The following BTNL8 variants were observed in gnomAD, a reference collection of about 807,000 sequenced individuals.
BTNL8 encodes the protein butyrophilin like 8, also known as butyrophilin-like protein 8.
In BTNL8, 22 loss-of-function variants were observed where a neutral mutation model predicts 36.1. The ratio of observed to expected loss-of-function variants is 0.61; its 90% CI spans 0.44 to 0.87. The LOEUF is 0.87. BTNL8 is among the 40% of genes least tolerant of loss of function. BTNL8 has a pLI of 0.00. For synonymous variants in BTNL8, 203 were observed against 235.6 expected, an observed-to-expected ratio of 0.86 and a Z score of 1.27; for missense variants, 526 against 616.9, an observed-to-expected ratio of 0.85 and a Z score of 1.56.
rs1185288368 is a variant in BTNL8 at position 180,935,679 on chromosome 5, A to G, written c.674-11833A>G. 6.6e-6 allele frequency among the ~76,000 whole-genome samples: 1 copy of G among 152,148 alleles called. No individual in the cohort carries two copies. Among genetic ancestry groups the G allele is most frequent in the Non-Finnish European group, 1.5e-5 (1 of 68,006 alleles). ...TGACTGCAGTTGTGCCCCAGAGCAC[A>G]GGACTCCTGCCCCGTGGACTTGGTA... On this transcript the variant is annotated intron_variant, in intron 3 of 7. Transcript: ENST00000340184. This position sits in a 1 kb window ranked among gnomAD's most constrained non-coding sequence, Gnocchi z 4.8.
intron 3 of BTNL8, among the ~76,000 whole-genome samples, chr5:180,922,832 T>C (rs140105106): frequency 0.014 from 2,100 of 152,186 alleles, 25 homozygotes; most frequent in Middle Eastern, 0.051. Flanking sequence ...TCTAAATCTC[T>C]TTGAAGGTCT....
At chr5:180,908,497 G>C (rs1757219425) in intron 1 of BTNL8, 89 bp from the exon 2 acceptor site, 1 of 1,268,082 alleles carries the variant, frequency 7.9e-7, no homozygotes, top group African/African-American at 1.5e-5. Context: ...GGGAGCTGTA[G>C]ACCGGAGCTG....
chr5:180,920,589 A>G (rs1240560041), intron 3 of BTNL8, among the ~76,000 whole-genome samples: 2 of 152,108 alleles, frequency 1.3e-5, no homozygotes, highest in Non-Finnish European at 2.9e-5. Context: ...AAAAATGAAC[A>G]AGTAAGATTA....
At chr5:180,900,638 G>A (rs575890546) in intron 1 of BTNL8, among the ~76,000 whole-genome samples, 30 of 152,320 alleles carry the variant, frequency 2.0e-4, no homozygotes, top group African/African-American at 6.7e-4. Context: ...GGCATACGCT[G>A]GGTCCCCAAA....
chr5:180,922,069 T>G (rs1757890979), intron 3 of BTNL8, among the ~76,000 whole-genome samples: 1 of 117,056 alleles, frequency 8.5e-6, no homozygotes, highest in Non-Finnish European at 1.7e-5. Context: ...TTGTGTTTAT[T>G]TGGATATTTT....
At chr5:180,909,621 C>G (rs1253672556) in intron 2 of BTNL8, 23 of 974,722 alleles carry the variant, frequency 2.4e-5, no homozygotes, top group Admixed American at 6.2e-5. Context: ...GGCTCAAGCC[C>G]GTAATCCCAA....
At chr5:180,910,994 C>T (rs952676265) in intron 2 of BTNL8, among the ~76,000 whole-genome samples, 1 of 152,204 alleles carries the variant, frequency 6.6e-6, no homozygotes, top group Admixed American at 6.5e-5. Flanking sequence ...AGAGGCTTCA[C>T]TATTACTTTA....
chr5:180,912,165 T>A (rs1439289099), intron 3 of BTNL8, among the ~76,000 whole-genome samples: 1 of 152,174 alleles, frequency 6.6e-6, no homozygotes, highest in Non-Finnish European at 1.5e-5. Context: ...ACTGAACCAC[T>A]GGCTCTTTCT....
intron 3 of BTNL8, among the ~76,000 whole-genome samples, chr5:180,928,009 A>G (rs1392547233): frequency 6.6e-6 from 1 of 152,192 alleles, no homozygotes; most frequent in Non-Finnish European, 1.5e-5. Context: ...CCTTGAGAAG[A>G]GCAACCCCAA....
intron 3 of BTNL8, among the ~76,000 whole-genome samples, chr5:180,933,686 A>G (rs1051352538): frequency 6.6e-6 from 1 of 152,202 alleles, no homozygotes; most frequent in South Asian, 2.1e-4. Flanking sequence ...GTATCAAAGA[A>G]GAAGGATCTC....
At chr5:180,904,926 G>GAAT (rs1383400510) in intron 1 of BTNL8, among the ~76,000 whole-genome samples, 2 of 151,628 alleles carry the variant, frequency 1.3e-5, no homozygotes, top group Admixed American at 1.3e-4. Context: ...GATTCAGTTT[G>GAAT]CCAGTATTTT....
intron 2 of BTNL8, among the ~76,000 whole-genome samples, chr5:180,910,913 A>G (rs1757354731): frequency 6.6e-6 from 1 of 152,162 alleles, no homozygotes; most frequent in African/African-American, 2.4e-5. Context: ...ATTCCATTTC[A>G]TGGGGGAGGA....
At chr5:180,928,007 A>G (rs1298855062) in intron 3 of BTNL8, among the ~76,000 whole-genome samples, 1 of 152,186 alleles carries the variant, frequency 6.6e-6, no homozygotes, top group Non-Finnish European at 1.5e-5. Flanking sequence ...CTCCTTGAGA[A>G]GAGCAACCCC....
chr5:180,930,782 T>G (rs1758337535), intron 3 of BTNL8, among the ~76,000 whole-genome samples: 1 of 152,076 alleles, frequency 6.6e-6, no homozygotes, highest in Non-Finnish European at 1.5e-5. Flanking sequence ...CAAGGAGAAC[T>G]ACAAACCACT....
rs1582065193 is a variant in BTNL8, at chr5:180,945,702, G to T, written c.674-1810G>T. On this transcript the variant is annotated intron_variant, in intron 3 of 7. Coordinates refer to ENST00000340184, the MANE Select transcript of BTNL8 (RefSeq NM_001040462.3). Reference sequence around the variant, plus strand: ...TACATTTAAGTGGACAACAGGGAGAGTGTAGGCTTGCGCTAACTCTCTTCT... The same window carrying T: ...TACATTTAAGTGGACAACAGGGAGATTGTAGGCTTGCGCTAACTCTCTTCT... The T allele has an allele frequency of 1.0e-5, 4 of 398,120 alleles. No individual in the cohort carries two copies. In the East Asian group the frequency reaches 2.0e-4, roughly 20 times the overall value. The allele number at this position is 398,120 out of a possible 1,614,324, so 24.7% of individuals were successfully genotyped here.
At chr5:180,937,916 A>G (rs1184922836) in intron 3 of BTNL8, among the ~76,000 whole-genome samples, 1 of 135,824 alleles carries the variant, frequency 7.4e-6, no homozygotes, top group African/African-American at 2.8e-5. Context: ...TAAATGAAAT[A>G]CTTTTTAAAA....
At chr5:180,912,778 C>A (rs1757460509) in intron 3 of BTNL8, among the ~76,000 whole-genome samples, 1 of 152,118 alleles carries the variant, frequency 6.6e-6, no homozygotes. Flanking sequence ...CATTTGCGAC[C>A]CATAATTAAG....
chr5:180,928,928 A>G (rs761835494), intron 3 of BTNL8, among the ~76,000 whole-genome samples: 1 of 152,232 alleles, frequency 6.6e-6, no homozygotes, highest in Non-Finnish European at 1.5e-5. Flanking sequence ...TAACAAGGAT[A>G]TTCAGGACTT....
chr5:180,909,878 T>C (rs1757310544), intron 2 of BTNL8: 1 of 152,236 alleles, frequency 6.6e-6, no homozygotes, highest in South Asian at 2.1e-4. Context: ...CTTAGTAGTG[T>C]CACTACAATT....
Sources: gnomAD v4.1 joint callset for allele counts (sites outside exome capture counted in the v4.1 genomes callset) on GRCh38, gnomAD v4.1.1 for gene constraint, Gnocchi (gnomAD v3.1) non-coding constraint, MANE v1.5 for transcripts, NCBI Gene and HGNC (gene_info 2026-07-23, HGNC 2026-07-21) for gene names.